The following SH3BP2 variants were observed in gnomAD, a reference collection of about 807,000 sequenced individuals.
SH3BP2 encodes the protein SH3 domain binding protein 2.
Under a neutral mutation model 56.2 loss-of-function variants are expected in SH3BP2, and 38 were observed. The observed-to-expected ratio is 0.68, with a 90% confidence interval of 0.52 to 0.89. SH3BP2 has a LOEUF of 0.89. Ranked by LOEUF, SH3BP2 falls within the 40% of genes least tolerant of loss-of-function variation. SH3BP2 has a pLI of 0.00. For missense variants in SH3BP2, 748 were observed against 762.6 expected (o/e 0.98, Z 0.23); for synonymous variants, 346 against 316.7 (o/e 1.09, Z -0.98).
chr4:2,830,038 GT>G lies in SH3BP2; in HGVS notation c.1133del (p.Val378GlyfsTer11). 1 of 1,612,610 alleles carries G rather than the reference GT, an allele frequency of 6.2e-7. No homozygotes were observed. The highest frequency in any genetic ancestry group is 1.1e-5 in the South Asian group (1 of 91,082). ...GGAGGCAGCCATGCCCGGACTCTTT[GT>G]GCCCCCCGTGGCTCCCCGGCCTCCT... Reference protein sequence around the residue: ...PREAAMPGLFVPPVAPRPPAL... With the variant: ...PREAAMPGLFXPPVAPRPPAL... On this transcript the variant is annotated frameshift_variant, in exon 8 of 13. Transcript: ENST00000503393. LOFTEE classifies it high-confidence loss of function.
At chr4:2,802,196 C>T (rs1008432700) in intron 1 of SH3BP2, among the ~76,000 whole-genome samples, 1 of 152,136 alleles carries the variant, frequency 6.6e-6, no homozygotes, top group African/African-American at 2.4e-5. Flanking sequence ...GTCAGGAGTT[C>T]AAGACCAGCC....
intron 5 of SH3BP2, among the ~76,000 whole-genome samples, chr4:2,825,548 C>A (rs1724567198): frequency 1.3e-5 from 2 of 151,320 alleles, no homozygotes; most frequent in Admixed American, 6.6e-5. Flanking sequence ...ACACACACAG[C>A]AACACGCAGA....
intron 1 of SH3BP2, among the ~76,000 whole-genome samples, chr4:2,803,157 A>C (rs1390774182): frequency 6.6e-6 from 1 of 152,162 alleles, no homozygotes; most frequent in African/African-American, 2.4e-5. Flanking sequence ...ACTTACTGCT[A>C]TACGGTCCCA....
chr4:2,798,807 T>C (rs557755192), intron 1 of SH3BP2, among the ~76,000 whole-genome samples: 2 of 152,330 alleles, frequency 1.3e-5, no homozygotes, highest in African/African-American at 4.8e-5. Context: ...CTGAGACCTC[T>C]AGGAACACAG....
Position 2,836,848 on chromosome 4 carries a change from G to C in SH3BP2, c.*3014G>C, listed in dbSNP as rs887540073. 9.8e-5 allele frequency: 15 copies of C among 152,310 alleles called. No individual in the cohort carries two copies. The highest frequency in any genetic ancestry group is 3.1e-4 in the African/African-American group (13 of 41,558). The allele number at this position is 152,310 out of a possible 1,614,324, so 9.4% of individuals were successfully genotyped here. A position where few individuals can be genotyped will look rare whatever the true frequency, so the allele number is the denominator to read the frequency against. ...TTATAGATAGGGAAACTGAGGCTTTGGGAGGACTCACTGACATACCTACCT... is the reference window on the plus strand; with the variant it reads ...TTATAGATAGGGAAACTGAGGCTTTCGGAGGACTCACTGACATACCTACCT... On this transcript the variant is annotated 3_prime_UTR_variant, in exon 13 of 13. Transcript: ENST00000503393.
chr4:2,810,811 C>T lies in SH3BP2; in HGVS notation c.-4-9803C>T, dbSNP rs540908621. The stretch of plus-strand genomic sequence containing the variant: ...CTGTCAGAACTGCCTGCCTCATCGT[C>T]CAGGCTGGGCAGTGGCCCAGGGGTT... On this transcript the variant is annotated intron_variant, in intron 1 of 12. Transcript: ENST00000503393. This position sits in a 1 kb window ranked among gnomAD's most constrained non-coding sequence, Gnocchi z 4.2. Among the ~76,000 whole-genome samples, 70 of 152,226 alleles carry T rather than the reference C, an allele frequency of 4.6e-4. No individual in the cohort carries two copies. Among genetic ancestry groups the T allele is most frequent in the Non-Finnish European group, 7.6e-4 (52 of 68,034 alleles).
chr4:2,802,364 A>C (rs1018620256), intron 1 of SH3BP2, among the ~76,000 whole-genome samples: 15 of 151,592 alleles, frequency 9.9e-5, no homozygotes, highest in African/African-American at 3.6e-4. Flanking sequence ...ACTGCATTCT[A>C]GCCTGGGCAC....
chr4:2,835,849 C>G lies in SH3BP2; in HGVS notation c.*2015C>G, dbSNP rs1725213702. 6.6e-6 allele frequency: 1 copy of G among 152,206 alleles called. No individual in the cohort carries two copies. Among genetic ancestry groups the G allele is most frequent in the South Asian group, 2.1e-4 (1 of 4,828 alleles). The allele number at this position is 152,206 out of a possible 1,614,324, so 9.4% of individuals were successfully genotyped here. A position where few individuals can be genotyped will look rare whatever the true frequency, so the allele number is the denominator to read the frequency against. On this transcript the variant is annotated 3_prime_UTR_variant, in exon 13 of 13. Transcript: ENST00000503393. ...TCATGTTGGCCAGGCTGGTCTCGAA[C>G]TCCTGACCTCAGGTGATCTGCCCAC...
At chr4:2,799,084 C>T in intron 1 of SH3BP2, 1 of 985,548 alleles carries the variant, frequency 1.0e-6, no homozygotes, top group African/African-American at 1.7e-5. Flanking sequence ...GGTGCAGCCT[C>T]AGCCTCCACC....
In SH3BP2 at chr4:2,840,406, C is replaced by G. The variant is rs1319465842; in HGVS notation, c.*6572C>G. On this transcript the variant is annotated 3_prime_UTR_variant, in exon 13 of 13. Coordinates refer to ENST00000503393, the MANE Select transcript of SH3BP2 (RefSeq NM_001122681.2). ...ATGGTGTGAGGTAAGGATTCACTTTCATTTTTTTCTCTCCATAGGGTTACA... is the reference window on the plus strand; with the variant it reads ...ATGGTGTGAGGTAAGGATTCACTTTGATTTTTTTCTCTCCATAGGGTTACA... 6.6e-6 allele frequency: 1 copy of G among 152,040 alleles called. No homozygotes were observed. Among genetic ancestry groups the G allele is most frequent in the African/African-American group, 2.4e-5 (1 of 41,378 alleles). 9.4% of individuals were successfully genotyped at this position (152,040 alleles called of 1,614,324 possible). A position where few individuals can be genotyped will look rare whatever the true frequency, so the allele number is the denominator to read the frequency against.
At chr4:2,827,462 G>A in intron 6 of SH3BP2, 144 bp downstream of exon 6, 6 of 1,166,934 alleles carry the variant, frequency 5.1e-6, no homozygotes, top group Non-Finnish European at 5.0e-6. Flanking sequence ...CTGGGCTCTG[G>A]CCTTCAGCGG....
Position 2,829,404 on chromosome 4 carries a change from T to C in SH3BP2, c.587-89T>C. 1 of 1,428,976 alleles carries C rather than the reference T, an allele frequency of 7.0e-7. No individual in the cohort carries two copies. The highest frequency in any genetic ancestry group is 9.9e-7 in the Non-Finnish European group (1 of 1,013,248). 88.5% of individuals were successfully genotyped at this position (1,428,976 alleles called of 1,614,324 possible). Reference sequence around the variant, plus strand: ...GGGGTGGGCCTACCATGGGTTGCACTCCTGGTTGGCCTGGCTGACCACTGC... The same window carrying C: ...GGGGTGGGCCTACCATGGGTTGCACCCCTGGTTGGCCTGGCTGACCACTGC... On this transcript the variant is annotated intron_variant, in intron 7 of 12. Coordinates refer to ENST00000503393, the MANE Select transcript of SH3BP2 (RefSeq NM_001122681.2). This position sits in a 1 kb window ranked among gnomAD's most constrained non-coding sequence, Gnocchi z 4.9.
chr4:2,839,164 TTTTTC>T lies in SH3BP2; in HGVS notation c.*5340_*5344del, dbSNP rs1219844699. On this transcript the variant is annotated 3_prime_UTR_variant, in exon 13 of 13. Transcript: ENST00000503393. The stretch of plus-strand genomic sequence containing the variant: ...CATTTTTTAACTTGTTGTCTTTTTC[TTTTTC>T]TTTTCTTTTTTTTTTTTTCTGAGAC... 4 of 152,082 alleles carry T rather than the reference TTTTTC, an allele frequency of 2.6e-5. No individual in the cohort carries two copies. The highest frequency in any genetic ancestry group is 2.1e-4 in the South Asian group (1 of 4,830). The allele number at this position is 152,082 out of a possible 1,614,324, so 9.4% of individuals were successfully genotyped here.
Position 2,831,696 on chromosome 4 carries a change from A to T in SH3BP2, c.1350+17A>T. ...TATGAGAAGGCAAGGCTGAGCGGCA[A>T]GCCTGGGTCCCAGTGGCCAGTAGGT... On this transcript the variant is annotated intron_variant, in intron 9 of 12. Coordinates refer to ENST00000503393, the MANE Select transcript of SH3BP2 (RefSeq NM_001122681.2). The surrounding 1 kb of genome is among the most constrained non-coding windows in gnomAD (Gnocchi z 4.1). 6.4e-7 allele frequency: 1 copy of T among 1,572,652 alleles called. No individual in the cohort carries two copies. Among genetic ancestry groups the T allele is most frequent in the Non-Finnish European group, 8.7e-7 (1 of 1,155,412 alleles).
At chr4:2,820,865 AT>A in intron 2 of SH3BP2, 112 bp downstream of exon 2, 1 of 1,251,606 alleles carries the variant, frequency 8.0e-7, no homozygotes. Flanking sequence ...TGCCCTCTGG[AT>A]TTTCCCATTC....
rs532846464 is a variant in SH3BP2 at position 2,831,130 on chromosome 4, C to T, written c.1242-441C>T. Among the ~76,000 whole-genome samples, 3 of 152,374 alleles carry T rather than the reference C, an allele frequency of 2.0e-5. No homozygotes were observed. Among genetic ancestry groups the T allele is most frequent in the Admixed American group, 2.0e-4 (3 of 15,310 alleles). Reference sequence around the variant, plus strand: ...CCTTTGAGGCTTTGCTGAGCAGGACCGGCTAGCCACACAGGGAGGCGTGCA... The same window carrying T: ...CCTTTGAGGCTTTGCTGAGCAGGACTGGCTAGCCACACAGGGAGGCGTGCA... On this transcript the variant is annotated intron_variant, in intron 8 of 12. Coordinates refer to ENST00000503393, the MANE Select transcript of SH3BP2 (RefSeq NM_001122681.2). This position sits in a 1 kb window ranked among gnomAD's most constrained non-coding sequence, Gnocchi z 4.1.
chr4:2,830,718 T>G (rs558259798), intron 8 of SH3BP2, among the ~76,000 whole-genome samples: 131 of 152,300 alleles, frequency 8.6e-4, no homozygotes, highest in African/African-American at 2.9e-3. Context: ...TGTCCCCCAC[T>G]CCCACAGAGT....
Position 2,822,944 on chromosome 4 carries a change from G to T in SH3BP2, c.146G>T (p.Arg49Leu). Residue 49 changes from arginine to leucine, a missense_variant, in exon 3 of 13, where the codon CGC becomes CTC. Physicochemically the swap from Arg to Leu is moderately radical, Grantham distance 102. Coordinates refer to ENST00000503393, the MANE Select transcript of SH3BP2 (RefSeq NM_001122681.2). ...TTGCCACCTCCCACAGGGCCCCTGC[G>T]CTTTGTCATCATCCACAAACGCTGC... The part of the protein sequence containing the change: ...TQLQLLKWPL[R>L]FVIIHKRCVY... 2.5e-6 allele frequency: 4 copies of T among 1,613,886 alleles called. No individual in the cohort carries two copies. Among genetic ancestry groups the T allele is most frequent in the Middle Eastern group, 1.6e-4 (1 of 6,062 alleles).
Position 2,820,731 on chromosome 4 carries a change from TA to T in SH3BP2, c.115del (p.Thr39ProfsTer6). ...KAGYLHKKGG[T>X]QLQLLKWPLR... ...CTGGCTACCTGCACAAGAAGGGCGG[TA>T]CCCAGCTGCAGCTGCTGAAATGTGA... On this transcript the variant is annotated frameshift_variant, in exon 2 of 13. Transcript: ENST00000503393. LOFTEE classifies it high-confidence loss of function. The T allele has an allele frequency of 6.2e-7, 1 of 1,613,872 alleles. No individual in the cohort carries two copies. Among genetic ancestry groups the T allele is most frequent in the Non-Finnish European group, 8.5e-7 (1 of 1,179,816 alleles).
Sources: allele counts gnomAD v4.1 joint callset (sites outside exome capture counted in the v4.1 genomes callset), GRCh38; gene constraint gnomAD v4.1.1; non-coding constraint Gnocchi (gnomAD v3.1); transcripts MANE v1.5; gene names NCBI Gene and HGNC (gene_info 2026-07-23, HGNC 2026-07-21).